The following MACROD2 variants were observed in gnomAD, a reference collection of about 807,000 sequenced individuals.
MACROD2 encodes the protein mono-ADP ribosylhydrolase 2.
MACROD2 carries 36 observed loss-of-function variants against 70.4 expected under a neutral mutation model. The ratio of observed to expected loss-of-function variants is 0.51; its 90% CI spans 0.39 to 0.68. MACROD2 has a LOEUF of 0.68. MACROD2 is among the 30% of genes least tolerant of loss of function. MACROD2 has a pLI of 0.00. For synonymous variants in MACROD2, 172 were observed against 178.8 expected (o/e 0.96, Z 0.30); for missense variants, 496 against 538.4 (o/e 0.92, Z 0.78).
intron 7 of MACROD2, among the ~76,000 whole-genome samples, chr20:15,467,089 A>C (rs2046902272): frequency 6.6e-6 from 1 of 152,174 alleles, no homozygotes; most frequent in South Asian, 2.1e-4. Flanking sequence ...GTGTTGCTCT[A>C]TGAAGGCATT....
At chr20:16,002,091 A>G (rs1053460042) in intron 15 of MACROD2, among the ~76,000 whole-genome samples, 4 of 152,056 alleles carry the variant, frequency 2.6e-5, no homozygotes, top group East Asian at 1.9e-4. Flanking sequence ...TGTATATTTC[A>G]TATCTCCAAA....
intron 5 of MACROD2, among the ~76,000 whole-genome samples, chr20:15,080,783 C>T (rs2075697545): frequency 6.6e-6 from 1 of 152,090 alleles, no homozygotes; most frequent in Admixed American, 6.6e-5. Context: ...TCACCATTCC[C>T]CATTCTCTTC....
chr20:15,786,981 G>T (rs1308463265), intron 8 of MACROD2, among the ~76,000 whole-genome samples: 1 of 151,808 alleles, frequency 6.6e-6, no homozygotes, highest in Admixed American at 6.6e-5. Context: ...TTGTTTTTGT[G>T]TTTGTTTTTG....
At chr20:15,498,387 G>T (rs934919144) in intron 7 of MACROD2, among the ~76,000 whole-genome samples, 2 of 151,916 alleles carry the variant, frequency 1.3e-5, no homozygotes, top group South Asian at 2.1e-4. Flanking sequence ...CTCCATTTCC[G>T]CAACGTCTCT....
intron 8 of MACROD2, among the ~76,000 whole-genome samples, chr20:15,855,686 C>G (rs528175274): frequency 2.6e-5 from 4 of 152,182 alleles, no homozygotes; most frequent in Non-Finnish European, 4.4e-5. Context: ...CAACCCTCCA[C>G]CCCAGGGTAA....
At chr20:15,544,804 T>C (rs1053852848) in intron 8 of MACROD2, among the ~76,000 whole-genome samples, 21 of 152,322 alleles carry the variant, frequency 1.4e-4, no homozygotes, top group African/African-American at 5.1e-4. Context: ...CCATGATGGC[T>C]GATTTTTAGA....
At chr20:15,077,043 C>T (rs2075663765) in intron 5 of MACROD2, among the ~76,000 whole-genome samples, 1 of 152,048 alleles carries the variant, frequency 6.6e-6, no homozygotes, top group African/African-American at 2.4e-5. Context: ...AGTCTTGTGG[C>T]AGTTAGCCAG....
At chr20:14,880,806 A>G (rs1345804758) in intron 5 of MACROD2, among the ~76,000 whole-genome samples, 2 of 152,294 alleles carry the variant, frequency 1.3e-5, no homozygotes, top group African/African-American at 2.4e-5. Flanking sequence ...ATTATTTTGT[A>G]TATGATTTTG....
chr20:15,213,016 G>A (rs1248175540), intron 5 of MACROD2, among the ~76,000 whole-genome samples: 2 of 152,192 alleles, frequency 1.3e-5, no homozygotes, highest in Non-Finnish European at 2.9e-5. Context: ...GACTTTTAAG[G>A]AGGTGCAAAA....
intron 5 of MACROD2, among the ~76,000 whole-genome samples, chr20:14,706,979 A>C (rs1049250006): frequency 1.3e-5 from 2 of 152,204 alleles, no homozygotes; most frequent in Admixed American, 1.3e-4. Flanking sequence ...TTTAGATCCA[A>C]GGCAGTAATT....
chr20:15,209,650 A>C (rs1449592336), intron 5 of MACROD2, among the ~76,000 whole-genome samples: 1 of 152,184 alleles, frequency 6.6e-6, no homozygotes, highest in Non-Finnish European at 1.5e-5. Flanking sequence ...TGGATGCAGA[A>C]ACCTTCCCAG....
At chr20:14,799,130 A>T (rs117340282) in intron 5 of MACROD2, among the ~76,000 whole-genome samples, 5,079 of 152,176 alleles carry the variant, frequency 0.033, 123 homozygotes, top group Non-Finnish European at 0.048. Context: ...GAATTATAAA[A>T]AAAGTTATGA....
chr20:14,372,954 C>A (rs537308701), intron 3 of MACROD2, among the ~76,000 whole-genome samples: 32 of 152,246 alleles, frequency 2.1e-4, no homozygotes, highest in African/African-American at 6.7e-4. Flanking sequence ...CTCCCTGGGG[C>A]ATACTGTCAA....
intron 8 of MACROD2, among the ~76,000 whole-genome samples, chr20:15,668,883 A>G (rs1329149478): frequency 6.6e-6 from 1 of 152,184 alleles, no homozygotes; most frequent in African/African-American, 2.4e-5. Context: ...TTCTACATAG[A>G]TTAACTAGTA....
At chr20:15,603,177 G>T (rs1335929901) in intron 8 of MACROD2, among the ~76,000 whole-genome samples, 2 of 151,934 alleles carry the variant, frequency 1.3e-5, no homozygotes, top group Non-Finnish European at 2.9e-5. Context: ...AATTTTCTTT[G>T]ATTCATATTC....
intron 5 of MACROD2, among the ~76,000 whole-genome samples, chr20:14,948,122 G>A (rs752785737): frequency 2.6e-5 from 4 of 152,068 alleles, no homozygotes; most frequent in Non-Finnish European, 4.4e-5. Flanking sequence ...CATCCTCTGT[G>A]CCCCCACCAG....
At chr20:14,864,273 C>T (rs2073403710) in intron 5 of MACROD2, among the ~76,000 whole-genome samples, 1 of 152,068 alleles carries the variant, frequency 6.6e-6, no homozygotes, top group Admixed American at 6.6e-5. Flanking sequence ...TTGTCTTTCT[C>T]CAGAGAAAGC....
intron 8 of MACROD2, among the ~76,000 whole-genome samples, chr20:15,732,225 T>A (rs2050955156): frequency 6.6e-6 from 1 of 151,944 alleles, no homozygotes; most frequent in Non-Finnish European, 1.5e-5. Flanking sequence ...CTAGGATATC[T>A]CTTTACTTTA....
At chr20:14,104,605 CTT>C (rs1272759235) in intron 3 of MACROD2, among the ~76,000 whole-genome samples, 2 of 152,124 alleles carry the variant, frequency 1.3e-5, no homozygotes, top group African/African-American at 2.4e-5. Context: ...TTTTCTGAAA[CTT>C]TGAGGTTTTA....
Sources: gnomAD v4.1 joint callset for allele counts (sites outside exome capture counted in the v4.1 genomes callset) on GRCh38, gnomAD v4.1.1 for gene constraint, MANE v1.5 for transcripts, NCBI Gene and HGNC (gene_info 2026-07-23, HGNC 2026-07-21) for gene names.